TET3: variants seen among roughly 807,000 people sequenced by gnomAD.
TET3 encodes the protein methylcytosine dioxygenase TET3.
A neutral mutation model predicts 141.4 loss-of-function variants in TET3; 19 were observed. The ratio of observed to expected loss-of-function variants is 0.13; its 90% CI spans 0.09 to 0.20. The LOEUF (loss-of-function observed/expected upper bound fraction) is 0.20, where lower values mean the gene tolerates loss of function less well. Among genes scored for constraint, TET3 ranks in the 10% least tolerant of loss-of-function variants. The probability of loss-of-function intolerance (pLI) is 1.00; values close to 1 mark genes in which losing one functional copy is unlikely to be tolerated. For synonymous variants in TET3, 1,043 were observed against 980.9 expected (o/e 1.06, Z -1.18); for missense variants, 1,874 against 2,356.9 (o/e 0.80, Z 4.24).
intron 4 of TET3, among the ~76,000 whole-genome samples, chr2:74,051,624 G>C (rs1687948162): frequency 6.6e-6 from 1 of 152,194 alleles, no homozygotes; most frequent in African/African-American, 2.4e-5. Flanking sequence ...GCTTTTGAGA[G>C]TAAAAGTGTT....
chr2:74,038,156 A>T (rs1305469609), intron 3 of TET3, among the ~76,000 whole-genome samples: 1 of 152,176 alleles, frequency 6.6e-6, no homozygotes, highest in Non-Finnish European at 1.5e-5. Context: ...GTGCAGGGTC[A>T]CCTTCAGCAC....
chr2:73,989,774 G>A (rs1684234557), intron 2 of TET3, among the ~76,000 whole-genome samples: 1 of 152,116 alleles, frequency 6.6e-6, no homozygotes, highest in East Asian at 1.9e-4. Flanking sequence ...TGGTGGCTTG[G>A]TAGTACAATG....
At position 74,093,567 on chromosome 2, in the gene TET3, G is replaced by A. The variant is rs769268930; in HGVS notation, c.3168G>A (p.Gly1056=). 6.2e-7 allele frequency: 1 copy of A among 1,613,462 alleles called. No homozygotes were observed. Among genetic ancestry groups the A allele is most frequent in the South Asian group, 1.1e-5 (1 of 91,052 alleles). The change falls in exon 10 of 12, where the codon GGG becomes GGA. Residue 1056 remains glycine, a synonymous_variant. Coordinates refer to ENST00000409262, the MANE Select transcript of TET3 (RefSeq NM_001287491.2). The surrounding 1 kb of genome is among the most constrained non-coding windows in gnomAD (Gnocchi z 4.2). ...AAATAGCGATTGACTGCCGTCTGGGGCTGAAGGAAGGACGGCCCTTCGCGG... is the reference window on the plus strand; with the variant it reads ...AAATAGCGATTGACTGCCGTCTGGGACTGAAGGAAGGACGGCCCTTCGCGG... ...NEEIAIDCRL[G]LKEGRPFAGV...
intron 4 of TET3, among the ~76,000 whole-genome samples, chr2:74,052,684 G>A (rs960121371): frequency 3.3e-5 from 5 of 151,742 alleles, no homozygotes; most frequent in Admixed American, 6.6e-5. Context: ...ACCCTGGCCA[G>A]TATGGTGAAA....
At chr2:74,002,499 C>T (rs1684905255) in intron 2 of TET3, among the ~76,000 whole-genome samples, 2 of 152,122 alleles carry the variant, frequency 1.3e-5, no homozygotes, top group East Asian at 1.9e-4. Flanking sequence ...CGGGGGTGCC[C>T]TGGGATGCCC....
At chr2:74,081,758 A>G (rs1185820202) in intron 6 of TET3, among the ~76,000 whole-genome samples, 1 of 152,274 alleles carries the variant, frequency 6.6e-6, no homozygotes, top group Non-Finnish European at 1.5e-5. Context: ...TTTACCTGGT[A>G]TACACCCTGT....
At chr2:74,071,161 C>T (rs1282075100) in intron 4 of TET3, among the ~76,000 whole-genome samples, 1 of 152,138 alleles carries the variant, frequency 6.6e-6, no homozygotes, top group Non-Finnish European at 1.5e-5. Context: ...AAAGGGGAAG[C>T]AAGCTCTCTG....
intron 2 of TET3, chr2:73,998,627 A>C (rs1217379149): frequency 6.6e-6 from 1 of 152,366 alleles, no homozygotes; most frequent in African/African-American, 2.4e-5. Context: ...GCCAAAGCTA[A>C]TTGTGAGGCC....
chr2:74,003,124 T>A lies in TET3; in HGVS notation c.318T>A (p.Ala106=). Residue 106 remains alanine (A), a synonymous_variant, in exon 3 of 12, where the codon GCT becomes GCA. Coordinates refer to ENST00000409262, the MANE Select transcript of TET3 (RefSeq NM_001287491.2). The part of the protein sequence containing the change: ...VGLLKEVEIK[A]GEGAGPWGQG... Reference sequence around the variant, plus strand: ...TTCTTTTGCAGGTGGAAATAAAGGCTGGTGAAGGAGCCGGGCCGTGGGGAC... The same window carrying A: ...TTCTTTTGCAGGTGGAAATAAAGGCAGGTGAAGGAGCCGGGCCGTGGGGAC... 4 of 1,550,106 alleles carry A rather than the reference T, an allele frequency of 2.6e-6. No individual in the cohort carries two copies. The highest frequency in any genetic ancestry group is 3.5e-6 in the Non-Finnish European group (4 of 1,146,848).
chr2:74,031,027 TTGTAAA>T (rs1408119425), intron 3 of TET3, among the ~76,000 whole-genome samples: 1 of 151,738 alleles, frequency 6.6e-6, no homozygotes, highest in Non-Finnish European at 1.5e-5. Flanking sequence ...CTGAGTTAAG[TTGTAAA>T]TGTGATGGGC....
Position 74,102,284 on chromosome 2 carries a change from C to G in TET3, c.*108C>G. On this transcript the variant is annotated 3_prime_UTR_variant, in exon 12 of 12. Coordinates refer to ENST00000409262, the MANE Select transcript of TET3 (RefSeq NM_001287491.2). ...GTTGGGGGTGCAGAAGTCTTTTTAT[C>G]TCTATATACATATATAGATGCGCAT... 1 of 1,348,016 alleles carries G rather than the reference C, an allele frequency of 7.4e-7. No individual in the cohort carries two copies. The highest frequency in any genetic ancestry group is 9.5e-7 in the Non-Finnish European group (1 of 1,051,852). The allele number at this position is 1,348,016 out of a possible 1,614,324, so 83.5% of individuals were successfully genotyped here.
chr2:74,080,434 G>T, intron 5 of TET3, 64 bp from the exon 6 acceptor site: 3 of 1,460,664 alleles, frequency 2.1e-6, no homozygotes, highest in South Asian at 2.4e-5. Flanking sequence ...GCTGTCTTCT[G>T]ACCAAAAGTT....
Position 73,986,160 on chromosome 2 carries a change from T to C in TET3, c.-244T>C. The stretch of plus-strand genomic sequence containing the variant: ...TTTCTGAGGGCTGCTGCTGGTGTCC[T>C]CCCCCAGATCCTGGGCCCCAGCAGG... On this transcript the variant is annotated 5_prime_UTR_variant, in exon 2 of 12. Transcript: ENST00000409262. 1 of 359,084 alleles carries C rather than the reference T, an allele frequency of 2.8e-6. No individual in the cohort carries two copies. The highest frequency in any genetic ancestry group is 5.0e-6 in the Non-Finnish European group (1 of 201,868). 22.2% of individuals were successfully genotyped at this position (359,084 alleles called of 1,614,324 possible).
In TET3 at chr2:74,025,530, G is replaced by A. The variant is rs114722408; in HGVS notation, c.361-20748G>A. Among the ~76,000 whole-genome samples, 314 of 152,112 alleles carry A rather than the reference G, an allele frequency of 2.1e-3. 1 individual carries two copies. The highest frequency in any genetic ancestry group is 3.4e-3 in the Non-Finnish European group (228 of 68,004). The stretch of plus-strand genomic sequence containing the variant: ...TCTCGATCTCCTGATGTCGTGATCC[G>A]CTGCTGGGATTACAGGCGTGAGCCA... On this transcript the variant is annotated intron_variant, in intron 3 of 11. Transcript: ENST00000409262.
intron 2 of TET3, among the ~76,000 whole-genome samples, chr2:74,000,971 TG>T (rs1401036653): frequency 5.3e-5 from 8 of 152,058 alleles, no homozygotes; most frequent in Non-Finnish European, 1.0e-4. Flanking sequence ...GCAGACTGTA[TG>T]GGGGGTAGGT....
intron 3 of TET3, among the ~76,000 whole-genome samples, chr2:74,025,801 TA>T (rs2105267005): frequency 6.6e-6 from 1 of 152,270 alleles, no homozygotes; most frequent in Admixed American, 6.5e-5. Context: ...TTTTTCCTGA[TA>T]TTTTTAAAGA....
In TET3 at chr2:74,101,298, T is replaced by C. The variant is rs199654650; in HGVS notation, c.4510T>C (p.Ser1504Pro). Residue 1504 changes from serine (S) to proline (P), a missense_variant, in exon 12 of 12, where the codon TCT (serine) becomes CCT (proline). By Grantham distance (74) the Ser-to-Pro change is moderately conservative (BLOSUM62 -1). This residue lies in a region of TET3 where 602 missense variants were observed against 590.2 expected (regional missense o/e 1.02). Coordinates refer to ENST00000409262, the MANE Select transcript of TET3 (RefSeq NM_001287491.2). The surrounding 1 kb of genome is among the most constrained non-coding windows in gnomAD (Gnocchi z 8.5). Reference protein sequence around the residue: ...PGEGQQAASHSGGRLRGKPWS... With the variant: ...PGEGQQAASHPGGRLRGKPWS... ...TGAGGGGCAGCAGGCAGCTTCCCACTCTGGAGGACGGCTGCGAGGCAAACC... is the reference window on the plus strand; with the variant it reads ...TGAGGGGCAGCAGGCAGCTTCCCACCCTGGAGGACGGCTGCGAGGCAAACC... 3.5e-4 allele frequency: 561 copies of C among 1,613,040 alleles called. No individual in the cohort carries two copies. The highest frequency in any genetic ancestry group is 4.7e-4 in the Non-Finnish European group (549 of 1,179,626).
chr2:74,010,344 A>T (rs1685364931), intron 3 of TET3, among the ~76,000 whole-genome samples: 1 of 152,186 alleles, frequency 6.6e-6, no homozygotes. Context: ...GTCTGGGGGA[A>T]GCCGGATGTG....
chr2:74,108,372 C>G (rs560225211), downstream of TET3, among the ~76,000 whole-genome samples: 1 of 152,298 alleles, frequency 6.6e-6, no homozygotes, highest in African/African-American at 2.4e-5. Flanking sequence ...GCTGTTAAAA[C>G]GGGATCTAAA....
Sources: gnomAD v4.1 joint callset for allele counts (sites outside exome capture counted in the v4.1 genomes callset) on GRCh38, gnomAD v4.1.1 for gene constraint, gnomAD v4.1.1 regional missense constraint, Gnocchi (gnomAD v3.1) non-coding constraint, MANE v1.5 for transcripts, NCBI Gene and HGNC (gene_info 2026-07-23, HGNC 2026-07-21) for gene names.